Variants in RAD54L2 observed in about 807,000 individuals in gnomAD.
RAD54L2 encodes helicase ARIP4.
Under a neutral mutation model 138.4 loss-of-function variants are expected in RAD54L2, and 27 were observed. The ratio of observed to expected loss-of-function variants is 0.20; its 90% CI spans 0.14 to 0.27. The LOEUF (loss-of-function observed/expected upper bound fraction) is 0.27, where lower values mean the gene tolerates loss of function less well. Ranked by LOEUF, RAD54L2 falls within the 10% of genes least tolerant of loss-of-function variation. The pLI is 1.00. For synonymous variants in RAD54L2, 644 were observed against 723.2 expected (o/e 0.89, Z 1.76); for missense variants, 1,396 against 1,890.2 (o/e 0.74, Z 4.85).
At chr3:51,632,328 CTG>C (rs1238437846) in intron 7 of RAD54L2, among the ~76,000 whole-genome samples, 3 of 152,130 alleles carry the variant, frequency 2.0e-5, no homozygotes, top group Non-Finnish European at 2.9e-5. Flanking sequence ...AAGTCTCACT[CTG>C]TAGCCCAGGC....
At chr3:51,573,483 CCAGGCTGGAGTGCAGTGACA>C (rs1699389173) in intron 2 of RAD54L2, among the ~76,000 whole-genome samples, 1 of 151,612 alleles carries the variant, frequency 6.6e-6, no homozygotes, top group Non-Finnish European at 1.5e-5. Flanking sequence ...TTGCTGTTTC[CCAGGCTGGAGTGCAGTGACA>C]CAATCTCACT....
intron 19 of RAD54L2, among the ~76,000 whole-genome samples, chr3:51,652,397 A>G (rs2106838674): frequency 6.6e-6 from 1 of 152,352 alleles, no homozygotes; most frequent in South Asian, 2.1e-4. Context: ...CCATCAAGCT[A>G]CCAACGACTT....
At chr3:51,626,380 C>G (rs1700682969) in intron 3 of RAD54L2, among the ~76,000 whole-genome samples, 1 of 145,498 alleles carries the variant, frequency 6.9e-6, no homozygotes, top group Admixed American at 7.2e-5. Flanking sequence ...CTACTCCAAC[C>G]CCAGTCCTTG....
chr3:51,601,146 G>A (rs896065895), intron 3 of RAD54L2, among the ~76,000 whole-genome samples: 1 of 152,046 alleles, frequency 6.6e-6, no homozygotes, highest in Admixed American at 6.6e-5. Context: ...TAAAATAAAT[G>A]TATTTCCTAA....
In RAD54L2 at chr3:51,639,426, A is replaced by G. The variant is rs1701069281; in HGVS notation, c.1868A>G (p.Asn623Ser). 6.2e-7 allele frequency: 1 copy of G among 1,613,758 alleles called. No individual in the cohort carries two copies. Among genetic ancestry groups the G allele is most frequent in the Admixed American group, 1.7e-5 (1 of 59,986 alleles). Residue 623 changes from asparagine to serine, a missense_variant, in exon 13 of 23, where the codon AAT (asparagine) becomes AGT (serine). Physicochemically the swap from Asn to Ser is conservative, Grantham distance 46. Coordinates refer to ENST00000684192, the MANE Select transcript of RAD54L2 (RefSeq NM_015106.4). ...CCTTTCCTTGAACCTCAGATCTGGA[A>G]TCACCCTGATGTGCTGTATGAAGCC... ...KAFCVCCKIW[N>S]HPDVLYEALQ...
chr3:51,600,258 A>G (rs920159494), intron 3 of RAD54L2, among the ~76,000 whole-genome samples: 173 of 152,284 alleles, frequency 1.1e-3, no homozygotes, highest in African/African-American at 3.7e-3. Flanking sequence ...AACTTTTAAT[A>G]TAGTACTCTT....
intron 3 of RAD54L2, among the ~76,000 whole-genome samples, chr3:51,591,449 C>G (rs554538918): frequency 6.6e-6 from 1 of 152,286 alleles, no homozygotes; most frequent in South Asian, 2.1e-4. Context: ...TCTCCAGATT[C>G]CAGGAGGATG....
Position 51,646,331 on chromosome 3 carries a change from A to G in RAD54L2, c.2876A>G (p.Lys959Arg). 1 of 1,606,310 alleles carries G rather than the reference A, an allele frequency of 6.2e-7. No homozygotes were observed. Among genetic ancestry groups the G allele is most frequent in the Non-Finnish European group, 8.5e-7 (1 of 1,176,536 alleles). ...ESLLLNRKDH[K>R]LTKAEKKAAK... is the part of the protein sequence containing the mutation. ...TTGCTCTTGAACCGAAAGGATCACA[A>G]GCTAACCAAGGCTGAGAAAAAAGCA... The change falls in exon 19 of 23, where the codon AAG becomes AGG. Residue 959 changes from lysine (K) to arginine (R), a missense_variant. This residue lies in a region of RAD54L2 where 634 missense variants were observed against 711.2 expected (regional missense o/e 0.89). Coordinates refer to ENST00000684192, the MANE Select transcript of RAD54L2 (RefSeq NM_015106.4).
intron 2 of RAD54L2, among the ~76,000 whole-genome samples, chr3:51,578,762 C>T (rs978134687): frequency 6.6e-6 from 1 of 152,030 alleles, no homozygotes; most frequent in African/African-American, 2.4e-5. Flanking sequence ...CCCCTGAAGC[C>T]CTAGAGGAAG....
In RAD54L2 at chr3:51,662,650, A is replaced by C. The variant is rs762577294; in HGVS notation, c.3634A>C (p.Ser1212Arg). 6.8e-6 allele frequency: 11 copies of C among 1,613,342 alleles called. No individual in the cohort carries two copies. In the South Asian group the frequency reaches 1.2e-4, roughly 18 times the overall value. Residue 1212 changes from serine (S) to arginine (R), a missense_variant, in exon 23 of 23, where the codon AGC becomes CGC. This residue lies in a region of RAD54L2 where 634 missense variants were observed against 711.2 expected (regional missense o/e 0.89). Coordinates refer to ENST00000684192, the MANE Select transcript of RAD54L2 (RefSeq NM_015106.4). This position sits in a 1 kb window ranked among gnomAD's most constrained non-coding sequence, Gnocchi z 4.6. Reference protein sequence around the residue: ...LPGPPAQLMDSSAVPGTALGT... With the variant: ...LPGPPAQLMDRSAVPGTALGT... ...TGGCCCCCCGGCCCAACTTATGGAC[A>C]GCAGTGCTGTTCCCGGGACAGCTCT...
intron 2 of RAD54L2, among the ~76,000 whole-genome samples, chr3:51,547,884 T>A (rs114753475): frequency 6.6e-6 from 1 of 151,768 alleles, no homozygotes; most frequent in Non-Finnish European, 1.5e-5. Flanking sequence ...TAAAATACTT[T>A]CTTTCTTTCT....
chr3:51,620,746 A>AAGT (rs1559639468), intron 3 of RAD54L2, among the ~76,000 whole-genome samples: 1 of 152,168 alleles, frequency 6.6e-6, no homozygotes, highest in Non-Finnish European at 1.5e-5. Flanking sequence ...GTGAAGGAGA[A>AAGT]AGTTCAGGGG....
intron 14 of RAD54L2, among the ~76,000 whole-genome samples, chr3:51,640,440 C>A (rs1227452916): frequency 2.0e-5 from 3 of 152,184 alleles, no homozygotes; most frequent in Non-Finnish European, 4.4e-5. Flanking sequence ...GTCTTTAAAG[C>A]CAAATAAGTG....
chr3:51,601,601 C>T (rs781662881), intron 3 of RAD54L2, among the ~76,000 whole-genome samples: 4 of 151,906 alleles, frequency 2.6e-5, no homozygotes, highest in Non-Finnish European at 2.9e-5. Flanking sequence ...CCACCGCGCC[C>T]GGGCTAATTT....
At chr3:51,569,447 G>A (rs923214871) in intron 2 of RAD54L2, among the ~76,000 whole-genome samples, 7 of 151,402 alleles carry the variant, frequency 4.6e-5, no homozygotes, top group African/African-American at 1.7e-4. Flanking sequence ...GCAGTGGCGC[G>A]ATCTCAGCTT....
chr3:51,547,747 A>G (rs1553672612), intron 2 of RAD54L2, among the ~76,000 whole-genome samples: 1 of 151,774 alleles, frequency 6.6e-6, no homozygotes, highest in African/African-American at 2.4e-5. Context: ...GTGCCCAGCT[A>G]ATTTTTGTAT....
intron 2 of RAD54L2, among the ~76,000 whole-genome samples, chr3:51,557,830 CAAAAAAAAA>C (rs1166273906): frequency 3.7e-3 from 119 of 32,232 alleles, no homozygotes; most frequent in African/African-American, 0.014. Flanking sequence ...AACTCCATCT[CAAAAAAAAA>C]AAAAAAAAAA....
chr3:51,649,243 T>A (rs1023005998), intron 19 of RAD54L2, among the ~76,000 whole-genome samples: 6 of 151,596 alleles, frequency 4.0e-5, no homozygotes, highest in Admixed American at 6.6e-5. Flanking sequence ...GTGAGAAAAG[T>A]TTAGAGAAAA....
At chr3:51,620,256 TAA>T (rs1700540047) in intron 3 of RAD54L2, among the ~76,000 whole-genome samples, 1 of 143,162 alleles carries the variant, frequency 7.0e-6, no homozygotes, top group African/African-American at 2.7e-5. Context: ...TATGCTCAGC[TAA>T]TTTTTTTTTT....
Sources: allele counts gnomAD v4.1 joint callset (sites outside exome capture counted in the v4.1 genomes callset), GRCh38; gene constraint gnomAD v4.1.1; regional missense constraint gnomAD v4.1.1; non-coding constraint Gnocchi (gnomAD v3.1); transcripts MANE v1.5; gene names NCBI Gene and HGNC (gene_info 2026-07-23, HGNC 2026-07-21).